FBN3: variants seen among roughly 807,000 people sequenced by gnomAD.
FBN3 encodes fibrillin-3.
Under a neutral mutation model 330.1 loss-of-function variants are expected in FBN3, and 234 were observed. That is an observed-to-expected ratio of 0.71 (90% CI 0.64 to 0.79). The LOEUF (loss-of-function observed/expected upper bound fraction) is 0.79, where lower values mean the gene tolerates loss of function less well. FBN3 is among the 30% of genes least tolerant of loss of function. The pLI, the probability that FBN3 is intolerant of heterozygous loss-of-function variation, is 0.00. For synonymous variants in FBN3, 1,458 were observed against 1,517.3 expected (o/e 0.96, Z 0.91); for missense variants, 3,606 against 3,886.9 (o/e 0.93, Z 1.92).
At chr19:8,139,522 A>T (rs2083364292) in intron 8 of FBN3, among the ~76,000 whole-genome samples, 1 of 151,984 alleles carries the variant, frequency 6.6e-6, no homozygotes, top group South Asian at 2.1e-4. Flanking sequence ...CCCCAGTGGG[A>T]TACCAGGCAG....
intron 16 of FBN3, among the ~76,000 whole-genome samples, chr19:8,130,607 A>AGGAAGGAAGGAAG (rs1275620168): frequency 6.6e-5 from 1 of 15,168 alleles, no homozygotes; most frequent in African/African-American, 4.5e-4. Context: ...AAAGAAAGAA[A>AGGAAGGAAGGAAG]GAAAGAAAGA....
At chr19:8,100,862 G>A in intron 41 of FBN3, 39 bp downstream of exon 41, 1 of 1,559,858 alleles carries the variant, frequency 6.4e-7, no homozygotes, top group Non-Finnish European at 8.8e-7. Flanking sequence ...GACCCAGGTG[G>A]ATGGGTGCCC....
At position 8,086,211 on chromosome 19, in the gene FBN3, G is replaced by A. The variant is rs79008349; in HGVS notation, c.6869C>T (p.Thr2290Ile). 9.5e-4 allele frequency: 1,522 copies of A among 1,608,942 alleles called. 25 individuals are homozygous for A. In the East Asian group the frequency reaches 0.033, roughly 35 times the overall value. The change falls in exon 55 of 64, where the codon ACC becomes ATC. Residue 2290 changes from threonine (T) to isoleucine (I), a missense_variant. Physicochemically the swap from Thr to Ile is moderately conservative, Grantham distance 89. Coordinates refer to ENST00000600128, the MANE Select transcript of FBN3 (RefSeq NM_032447.5). ...CCAGCCACACTCACCGTGGCACTCG[G>A]TAAGGGTGGGGCTGGGCTGGAATCC... is the stretch of plus-strand genomic sequence containing the variant. ...DEGFQPSPTL[T>I]ECHDIRQGPC...
At chr19:8,115,702 G>A in intron 29 of FBN3, 62 bp from the exon 30 acceptor site, 1 of 1,584,438 alleles carries the variant, frequency 6.3e-7, no homozygotes, top group South Asian at 1.1e-5. Context: ...AGAGGAAGTA[G>A]GTGAGGGTGG....
intron 8 of FBN3, among the ~76,000 whole-genome samples, chr19:8,139,981 G>T (rs1703630167): frequency 6.6e-6 from 1 of 152,026 alleles, no homozygotes; most frequent in South Asian, 2.1e-4. Flanking sequence ...GGGAGTCAGG[G>T]TTTTTCGTTC....
intron 40 of FBN3, among the ~76,000 whole-genome samples, chr19:8,101,758 T>A (rs1273480269): frequency 1.3e-5 from 2 of 152,082 alleles, no homozygotes; most frequent in Non-Finnish European, 2.9e-5. Flanking sequence ...TCCCACTTTA[T>A]CCCAGCCCCA....
chr19:8,122,778 C>A (rs111931134), intron 24 of FBN3, among the ~76,000 whole-genome samples: 2,025 of 151,864 alleles, frequency 0.013, 45 homozygotes, highest in African/African-American at 0.045. Flanking sequence ...CATTCTCCTG[C>A]CTCAGCCTCC....
chr19:8,090,025 A>G, intron 49 of FBN3, 66 bp from the exon 50 acceptor site: 2 of 1,600,118 alleles, frequency 1.2e-6, no homozygotes, highest in Non-Finnish European at 1.7e-6. Flanking sequence ...GTGTGCAGGG[A>G]AGGATGAGAG....
chr19:8,123,157 C>T (rs190268501), intron 24 of FBN3, among the ~76,000 whole-genome samples: 2 of 151,900 alleles, frequency 1.3e-5, no homozygotes, highest in African/African-American at 4.8e-5. Flanking sequence ...AGTTCAAGTC[C>T]AGCCTGACCA....
chr19:8,134,008 C>T (rs540375914), intron 13 of FBN3, among the ~76,000 whole-genome samples: 5 of 149,964 alleles, frequency 3.3e-5, no homozygotes, highest in East Asian at 4.0e-4. Flanking sequence ...GGGCAGATCA[C>T]GAGGTCAGGA....
rs755295593 is a variant in FBN3 at position 8,138,339 on chromosome 19, G to T, written c.1019-16C>A. 2.5e-6 allele frequency: 4 copies of T among 1,612,412 alleles called. No individual in the cohort carries two copies. The South Asian group carries it at 4.4e-5, about 18-fold the overall frequency. ...TGGAATTCATCTGCAAGGAAGCAGG[G>T]TTGAGGCCAGGCCCTTGGCCCTCCC... On this transcript the variant is annotated splice_polypyrimidine_tract_variant and intron_variant, in intron 9 of 63. Coordinates refer to ENST00000600128, the MANE Select transcript of FBN3 (RefSeq NM_032447.5).
rs898327143 is a variant in FBN3 at position 8,097,005 on chromosome 19, A to G, written c.5289T>C (p.Asp1763=). ...NYNSILLACE[D]VDECGSRESP... ...TCTCCCTGCTGCCACACTCATCGACATCTGGGAAAATACAGCAAATGAGGT... is the reference window on the plus strand; with the variant it reads ...TCTCCCTGCTGCCACACTCATCGACGTCTGGGAAAATACAGCAAATGAGGT... The change falls in exon 43 of 64, where the codon GAT becomes GAC. Residue 1763 remains aspartate, a splice_region_variant and synonymous_variant. Coordinates refer to ENST00000600128, the MANE Select transcript of FBN3 (RefSeq NM_032447.5). The G allele has an allele frequency of 1.2e-6, 2 of 1,612,520 alleles. No homozygotes were observed. The highest frequency in any genetic ancestry group is 2.2e-5 in the East Asian group (1 of 44,850).
intron 30 of FBN3, among the ~76,000 whole-genome samples, chr19:8,113,688 G>A (rs1432270929): frequency 6.6e-6 from 1 of 151,860 alleles, no homozygotes; most frequent in Non-Finnish European, 1.5e-5. Context: ...TAGCCTGGGC[G>A]ACACAGCGAG....
intron 38 of FBN3, among the ~76,000 whole-genome samples, chr19:8,104,684 CA>C (rs2082400313): frequency 6.6e-6 from 1 of 152,008 alleles, no homozygotes; most frequent in South Asian, 2.1e-4. Flanking sequence ...TACTCTAGTC[CA>C]GGGGTAGTAA....
At chr19:8,134,702 G>A (rs2083237506) in intron 13 of FBN3, among the ~76,000 whole-genome samples, 1 of 152,120 alleles carries the variant, frequency 6.6e-6, no homozygotes, top group Non-Finnish European at 1.5e-5. Flanking sequence ...GGGAGGCCAA[G>A]GCGGGCGGAT....
chr19:8,135,935 T>TTGGGGGGGGGGGGGGGGGGGCGGG, intron 13 of FBN3, 26 bp downstream of exon 13: 2 of 1,344,156 alleles, frequency 1.5e-6, no homozygotes, highest in Non-Finnish European at 2.0e-6. Context: ...CGGAAGCCCC[T>TTGGGGGGGGGGGGGGGGGGGCGGG]GCCCACCCGC....
chr19:8,147,505 G>C lies in FBN3; in HGVS notation c.-17-8C>G. 1 of 1,440,388 alleles carries C rather than the reference G, an allele frequency of 6.9e-7. No homozygotes were observed. The highest frequency in any genetic ancestry group is 9.1e-7 in the Non-Finnish European group (1 of 1,094,554). 89.2% of individuals were successfully genotyped at this position (1,440,388 alleles called of 1,614,324 possible). A position where few individuals can be genotyped will look rare whatever the true frequency, so the allele number is the denominator to read the frequency against. ...TGGCGTGTCCCCTGGAGGCTGCGGA[G>C]AGGAAGCAGAGTCAGCCCTAGATGA... On this transcript the variant is annotated splice_polypyrimidine_tract_variant and splice_region_variant and intron_variant, in intron 1 of 63. Coordinates refer to ENST00000600128, the MANE Select transcript of FBN3 (RefSeq NM_032447.5).
chr19:8,121,351 C>A lies in FBN3; in HGVS notation c.3118G>T (p.Gly1040Cys). 1.2e-6 allele frequency: 2 copies of A among 1,613,178 alleles called. No homozygotes were observed. Among genetic ancestry groups the A allele is most frequent in the Non-Finnish European group, 8.5e-7 (1 of 1,179,548 alleles). Residue 1040 changes from glycine (G) to cysteine (C), a missense_variant, in exon 25 of 64, where the codon GGC becomes TGC. Transcript: ENST00000600128. The surrounding 1 kb of genome is among the most constrained non-coding windows in gnomAD (Gnocchi z 4.5). ...GGCGTGTTGACACAGGTGCCCTGGC[C>A]GCAGAGGTCAGGAGAGATGCGACAC... ...DECRISPDLC[G>C]QGTCVNTPGS...
Position 8,090,217 on chromosome 19 carries a change from C to G in FBN3, c.6066G>C (p.Glu2022Asp), listed in dbSNP as rs1378186314. The G allele has an allele frequency of 1.2e-6, 2 of 1,614,062 alleles. No homozygotes were observed. Among genetic ancestry groups the G allele is most frequent in the Admixed American group, 3.3e-5 (2 of 60,010 alleles). The change falls in exon 49 of 64, where the codon GAG becomes GAC. Residue 2022 changes from glutamate to aspartate, a missense_variant. Physicochemically the swap from Glu to Asp is conservative, Grantham distance 45. Coordinates refer to ENST00000600128, the MANE Select transcript of FBN3 (RefSeq NM_032447.5). ...TRQSFCFTRF[E>D]AGKCSVPKAF... is the part of the protein sequence containing the mutation. ...CTTTGGGCACCGAGCACTTCCCAGC[C>G]TCAAAACGGGTGAAGCAGAAACTCT...
Sources: allele counts gnomAD v4.1 joint callset (sites outside exome capture counted in the v4.1 genomes callset), GRCh38; gene constraint gnomAD v4.1.1; non-coding constraint Gnocchi (gnomAD v3.1); transcripts MANE v1.5; gene names NCBI Gene and HGNC (gene_info 2026-07-23, HGNC 2026-07-21).